Variants in NRXN3 observed in about 807,000 individuals in gnomAD.
NRXN3 encodes neurexin III.
NRXN3 carries 32 observed loss-of-function variants against 137.6 expected under a neutral mutation model. That is an observed-to-expected ratio of 0.23 (90% CI 0.18 to 0.31). The LOEUF (loss-of-function observed/expected upper bound fraction) is 0.31, where lower values mean the gene tolerates loss of function less well. Among genes scored for constraint, NRXN3 ranks in the 10% least tolerant of loss-of-function variants. The probability of loss-of-function intolerance (pLI) is 1.00; values close to 1 mark genes in which losing one functional copy is unlikely to be tolerated. For missense variants in NRXN3, 1,574 were observed against 2,062.5 expected (o/e 0.76, Z 4.59); for synonymous variants, 798 against 784.5 (o/e 1.02, Z -0.29).
intron 15 of NRXN3, among the ~76,000 whole-genome samples, chr14:79,335,441 G>C (rs540030501): frequency 1.3e-5 from 2 of 152,104 alleles, no homozygotes; most frequent in African/African-American, 4.8e-5. Context: ...TATGCTTGTT[G>C]TATTTTTTCT....
In NRXN3 at chr14:79,777,974, C is replaced by G. The variant is rs1388598510; in HGVS notation, c.4015-27138C>G. 2.0e-5 allele frequency among the ~76,000 whole-genome samples: 3 copies of G among 152,028 alleles called. 1 individual carries two copies. Among genetic ancestry groups the G allele is most frequent in the Non-Finnish European group, 4.4e-5 (3 of 68,002 alleles). ...ACCTTCTCTTGAAAACTACCATATC[C>G]CAGATCTAGGCTTTTCTATGCACTG... On this transcript the variant is annotated intron_variant, in intron 19 of 20. Transcript: ENST00000335750.
At chr14:79,030,380 A>G (rs530070164) in intron 15 of NRXN3, among the ~76,000 whole-genome samples, 1 of 152,100 alleles carries the variant, frequency 6.6e-6, no homozygotes, top group South Asian at 2.1e-4. Flanking sequence ...CCAGGGAAAG[A>G]CTGGACACTC....
chr14:78,843,242 T>C (rs150734310), intron 10 of NRXN3, among the ~76,000 whole-genome samples: 3,671 of 152,272 alleles, frequency 0.024, 148 homozygotes, highest in African/African-American at 0.083. Flanking sequence ...ATCCACATTC[T>C]TCTGCCATGG....
intron 16 of NRXN3, among the ~76,000 whole-genome samples, chr14:79,580,799 A>C (rs1266304967): frequency 1.3e-5 from 2 of 152,224 alleles, no homozygotes; most frequent in Admixed American, 6.5e-5. Context: ...AAAAACAAAC[A>C]GGAGTCACTC....
chr14:79,163,517 A>C (rs2060998561), intron 15 of NRXN3, among the ~76,000 whole-genome samples: 1 of 151,930 alleles, frequency 6.6e-6, no homozygotes, highest in African/African-American at 2.4e-5. Flanking sequence ...CAAATTACTA[A>C]ATTCCTGTCC....
rs377180579 is a variant in NRXN3, at chr14:78,243,645, G to C, written c.552G>C (p.Ser184=). ...TTCTGGATCTCAAGTATGGAAACTC[G>C]GAGCCTCGGCTTCTGGGGAGCCGGG... ...GLILDLKYGN[S]EPRLLGSRGV... is the part of the protein sequence containing the mutation. Residue 184 remains serine, a synonymous_variant, in exon 2 of 21, where the codon TCG becomes TCC. Coordinates refer to ENST00000335750, the MANE Select transcript of NRXN3 (RefSeq NM_001330195.2). This position sits in a 1 kb window ranked among gnomAD's most constrained non-coding sequence, Gnocchi z 4.2. 3.9e-5 allele frequency: 62 copies of C among 1,598,406 alleles called. No individual in the cohort carries two copies. In the Middle Eastern group the frequency reaches 5.0e-4, roughly 13 times the overall value.
intron 8 of NRXN3, among the ~76,000 whole-genome samples, chr14:78,756,252 C>G (rs1256134387): frequency 6.6e-6 from 1 of 152,122 alleles, no homozygotes; most frequent in African/African-American, 2.4e-5. Context: ...CTTTAGGAGG[C>G]TGAGGTGGGC....
intron 10 of NRXN3, among the ~76,000 whole-genome samples, chr14:78,854,025 G>A (rs1438013056): frequency 6.6e-6 from 1 of 152,194 alleles, no homozygotes; most frequent in Admixed American, 6.5e-5. Flanking sequence ...TGATGCCTCT[G>A]AAATCACTGT....
chr14:79,158,094 T>G (rs1232991818), intron 15 of NRXN3, among the ~76,000 whole-genome samples: 1 of 151,782 alleles, frequency 6.6e-6, no homozygotes, highest in Non-Finnish European at 1.5e-5. Context: ...TGGCCTTGTA[T>G]TTTTAACTTC....
At chr14:79,012,599 A>G (rs1050889583) in intron 15 of NRXN3, among the ~76,000 whole-genome samples, 2 of 152,166 alleles carry the variant, frequency 1.3e-5, no homozygotes, top group Non-Finnish European at 2.9e-5. Flanking sequence ...GAAGGCTGTC[A>G]CTTGCTCCCC....
rs193157966 is a variant in NRXN3 at position 79,325,753 on chromosome 14, C to T, written c.3263-141468C>T. On this transcript the variant is annotated intron_variant, in intron 15 of 20. Coordinates refer to ENST00000335750, the MANE Select transcript of NRXN3 (RefSeq NM_001330195.2). ...GGTGTTGCCTAGAATCAGCATGCAGCGCTGTAGGCAACCTGTCACTTAGAT... is the reference window on the plus strand; with the variant it reads ...GGTGTTGCCTAGAATCAGCATGCAGTGCTGTAGGCAACCTGTCACTTAGAT... 7.0e-4 allele frequency among the ~76,000 whole-genome samples: 107 copies of T among 152,222 alleles called. 2 individuals carry two copies. Among genetic ancestry groups the T allele is most frequent in the South Asian group, 6.2e-4 (3 of 4,816 alleles).
Position 79,185,667 on chromosome 14 carries a change from A to G in NRXN3, c.3262+197526A>G, listed in dbSNP as rs566978916. On this transcript the variant is annotated intron_variant, in intron 15 of 20. Coordinates refer to ENST00000335750, the MANE Select transcript of NRXN3 (RefSeq NM_001330195.2). ...TTTTTAGTAGAGACAGGGTTTCACC[A>G]TGTTAGCCAGGATGGTCTCGATCTC... 4.1e-3 allele frequency among the ~76,000 whole-genome samples: 621 copies of G among 152,066 alleles called. 2 individuals are homozygous for G. The highest frequency in any genetic ancestry group is 9.5e-3 in the East Asian group (49 of 5,142).
At chr14:78,349,281 G>A (rs1353818668) in intron 4 of NRXN3, among the ~76,000 whole-genome samples, 3 of 152,158 alleles carry the variant, frequency 2.0e-5, no homozygotes, top group Admixed American at 6.5e-5. Flanking sequence ...CCAAGTTGCC[G>A]GCCAATGTTA....
At chr14:79,590,454 A>G (rs2097794237) in intron 16 of NRXN3, among the ~76,000 whole-genome samples, 1 of 148,274 alleles carries the variant, frequency 6.7e-6, no homozygotes, top group South Asian at 2.2e-4. Flanking sequence ...TGATAGTGCT[A>G]GTCAATACTG....
At chr14:79,237,023 C>T (rs2073492798) in intron 15 of NRXN3, among the ~76,000 whole-genome samples, 2 of 151,474 alleles carry the variant, frequency 1.3e-5, no homozygotes, top group South Asian at 2.1e-4. Context: ...TGCTTGCAAA[C>T]ATGTACATAT....
chr14:79,844,902 T>TAAGA (rs1423970688), intron 20 of NRXN3, among the ~76,000 whole-genome samples: 2 of 152,210 alleles, frequency 1.3e-5, no homozygotes, highest in Non-Finnish European at 2.9e-5. Flanking sequence ...TTTTCCAATA[T>TAAGA]AAGACCATTT....
rs967778779 is a variant in NRXN3, at chr14:78,575,760, T to C, written c.758-69360T>C. ...ATAGTACAAGCGGGGGTGGTGGTGA[T>C]AATTTCAAGTTTAGGTAGGGTAAAG... On this transcript the variant is annotated intron_variant, in intron 4 of 20. Transcript: ENST00000335750. 7.9e-5 allele frequency among the ~76,000 whole-genome samples: 12 copies of C among 152,258 alleles called. No individual in the cohort carries two copies. The East Asian group carries it at 2.3e-3, about 29-fold the overall frequency.
intron 4 of NRXN3, chr14:78,615,149 A>G (rs61976094): frequency 0.057 from 25,766 of 454,390 alleles, 895 homozygotes; most frequent in Middle Eastern, 0.13. Context: ...CATGATAATA[A>G]CAATATCTTA....
At chr14:79,706,497 T>C (rs1603443473) in intron 19 of NRXN3, among the ~76,000 whole-genome samples, 1 of 147,348 alleles carries the variant, frequency 6.8e-6, no homozygotes. Context: ...CATAAAAATA[T>C]GGGACAATAA....
Sources: gnomAD v4.1 joint callset for allele counts (sites outside exome capture counted in the v4.1 genomes callset) on GRCh38, gnomAD v4.1.1 for gene constraint, Gnocchi (gnomAD v3.1) non-coding constraint, MANE v1.5 for transcripts, NCBI Gene and HGNC (gene_info 2026-07-23, HGNC 2026-07-21) for gene names.